Variants in NCALD observed in about 807,000 individuals in gnomAD.
NCALD encodes the protein neurocalcin-delta.
In NCALD, 10 loss-of-function variants were observed where a neutral mutation model predicts 18.6. That is an observed-to-expected ratio of 0.54 (90% CI 0.33 to 0.91). NCALD has a LOEUF of 0.91. Ranked by LOEUF, NCALD falls within the 40% of genes least tolerant of loss-of-function variation. The pLI, the probability that NCALD is intolerant of heterozygous loss-of-function variation, is 0.03. For synonymous variants in NCALD, 88 were observed against 87.4 expected (o/e 1.01, Z -0.04); for missense variants, 184 against 247.6 (o/e 0.74, Z 1.72).
chr8:101,793,718 A>AT (rs1186298449), upstream of NCALD, among the ~76,000 whole-genome samples: 1 of 152,230 alleles, frequency 6.6e-6, no homozygotes, highest in African/African-American at 2.4e-5. Context: ...TTGACAAGTC[A>AT]TTTTTTAAGG....
intron 3 of NCALD, among the ~76,000 whole-genome samples, chr8:101,907,573 T>C (rs1817652262): frequency 6.6e-6 from 1 of 151,946 alleles, no homozygotes; most frequent in Admixed American, 6.6e-5. Flanking sequence ...GCACTTAGTA[T>C]ATTTTATTAA....
chr8:102,034,559 T>A (rs1180235856), intron 1 of NCALD, among the ~76,000 whole-genome samples: 1 of 152,216 alleles, frequency 6.6e-6, no homozygotes, highest in Admixed American at 6.5e-5. Flanking sequence ...GAAAGCAGCA[T>A]GACACATTTC....
chr8:101,945,939 G>C (rs902010232), intron 2 of NCALD, among the ~76,000 whole-genome samples: 1 of 152,104 alleles, frequency 6.6e-6, no homozygotes, highest in Non-Finnish European at 1.5e-5. Context: ...ATTTAGAAAC[G>C]GGCTCCAGAA....
At chr8:101,981,257 G>A (rs533177575) in intron 2 of NCALD, among the ~76,000 whole-genome samples, 2 of 152,166 alleles carry the variant, frequency 1.3e-5, no homozygotes, top group South Asian at 4.1e-4. Context: ...TAAATTTCTT[G>A]TATGCATACC....
At position 101,817,478 on chromosome 8, in the gene NCALD, T is replaced by C. The variant is rs535568243; in HGVS notation, c.-20+69663A>G. 5.3e-5 allele frequency among the ~76,000 whole-genome samples: 8 copies of C among 152,258 alleles called. No homozygotes were observed. The South Asian group carries it at 1.7e-3, about 32-fold the overall frequency. Reference sequence around the variant, plus strand: ...CCAAGCCTAATAATAAATCACGGTTTCAGCCTCTTGCCTAGAATTTCTGAC... The same window carrying C: ...CCAAGCCTAATAATAAATCACGGTTCCAGCCTCTTGCCTAGAATTTCTGAC... On this transcript the variant is annotated intron_variant, in intron 4 of 6. Coordinates refer to the NCALD transcript ENST00000311028.
At chr8:101,714,016 C>T (rs1434732026) in intron 2 of NCALD, among the ~76,000 whole-genome samples, 2 of 152,174 alleles carry the variant, frequency 1.3e-5, no homozygotes, top group African/African-American at 2.4e-5. Context: ...CTATTTATGA[C>T]AAATCCACAG....
At chr8:101,723,996 T>C (rs1032778804) in intron 1 of NCALD, among the ~76,000 whole-genome samples, 3 of 152,202 alleles carry the variant, frequency 2.0e-5, no homozygotes, top group Admixed American at 2.0e-4. Flanking sequence ...ATTTTTGCAA[T>C]CTAAAATAGT....
At chr8:101,948,181 G>GC (rs1437039920) in intron 2 of NCALD, among the ~76,000 whole-genome samples, 2 of 152,234 alleles carry the variant, frequency 1.3e-5, no homozygotes, top group African/African-American at 4.8e-5. Flanking sequence ...GGAAGACGTT[G>GC]CAATAATTTA....
chr8:101,935,782 T>G (rs1563912780), intron 2 of NCALD, among the ~76,000 whole-genome samples: 2 of 146,028 alleles, frequency 1.4e-5, no homozygotes, highest in South Asian at 4.4e-4. Context: ...ATCAAGAGAT[T>G]CTTTTTTTTT....
chr8:101,815,681 TC>T (rs1309738598), intron 4 of NCALD, among the ~76,000 whole-genome samples: 4 of 152,110 alleles, frequency 2.6e-5, no homozygotes, highest in African/African-American at 9.7e-5. Flanking sequence ...CAACAGAAAC[TC>T]TCATTCACTG....
chr8:101,843,215 G>C (rs1814715241), intron 4 of NCALD, among the ~76,000 whole-genome samples: 1 of 152,194 alleles, frequency 6.6e-6, no homozygotes, highest in Non-Finnish European at 1.5e-5. Context: ...AAAATCTGTT[G>C]AATAAATGAG....
At chr8:102,108,136 C>A (rs945105125) in intron 1 of NCALD, among the ~76,000 whole-genome samples, 1 of 152,224 alleles carries the variant, frequency 6.6e-6, no homozygotes. Flanking sequence ...TCCCCCGCCT[C>A]AGCTGGGGAC....
intron 2 of NCALD, among the ~76,000 whole-genome samples, chr8:101,969,466 A>T (rs1294236709): frequency 6.6e-6 from 1 of 152,214 alleles, no homozygotes; most frequent in Non-Finnish European, 1.5e-5. Context: ...AAAGCCCTTC[A>T]ACATTTATTT....
At chr8:102,050,851 ATTAATTAAT>A (rs1007543196) in intron 1 of NCALD, among the ~76,000 whole-genome samples, 8 of 145,532 alleles carry the variant, frequency 5.5e-5, no homozygotes, top group African/African-American at 2.0e-4. Context: ...TTTTAATTTA[ATTAATTAAT>A]TTAATTAATT....
At chr8:101,729,578 A>C (rs9987401) in intron 1 of NCALD, among the ~76,000 whole-genome samples, 83,443 of 152,046 alleles carry the variant, frequency 0.55, 26,406 homozygotes, top group African/African-American at 0.87. Context: ...TGTTCTCATA[A>C]CCCCTGCAGA....
intron 2 of NCALD, among the ~76,000 whole-genome samples, chr8:101,700,056 A>T (rs111881317): frequency 0.023 from 3,412 of 150,966 alleles, 132 homozygotes; most frequent in African/African-American, 0.078. Flanking sequence ...TTATTTATTT[A>T]TTCATTTATT....
At chr8:101,747,954 G>A (rs962692342) in intron 1 of NCALD, among the ~76,000 whole-genome samples, 7 of 152,114 alleles carry the variant, frequency 4.6e-5, no homozygotes, top group African/African-American at 1.7e-4. Context: ...CTGACATCAG[G>A]TGATCTGCCC....
chr8:101,906,023 A>G (rs1026191326), intron 3 of NCALD, among the ~76,000 whole-genome samples: 3 of 152,208 alleles, frequency 2.0e-5, no homozygotes, highest in African/African-American at 7.2e-5. Context: ...CATTTATGCA[A>G]ATGAATGCAG....
chr8:101,857,232 ACT>A (rs754862207), intron 4 of NCALD, among the ~76,000 whole-genome samples: 18 of 152,046 alleles, frequency 1.2e-4, no homozygotes, highest in Non-Finnish European at 1.3e-4. Flanking sequence ...TCCTCCTCCA[ACT>A]CTGTCTCCTT....
Sources: allele counts gnomAD v4.1 joint callset (sites outside exome capture counted in the v4.1 genomes callset), GRCh38; gene constraint gnomAD v4.1.1; transcripts MANE v1.5; gene names NCBI Gene and HGNC (gene_info 2026-07-23, HGNC 2026-07-21).